The following IST1 variants were observed in gnomAD, a reference collection of about 807,000 sequenced individuals.
IST1 encodes the protein IST1 homolog.
In IST1, 23 loss-of-function variants were observed where a neutral mutation model predicts 37.0. That is an observed-to-expected ratio of 0.62 (90% CI 0.45 to 0.88). The LOEUF is 0.88. Ranked by LOEUF, IST1 falls within the 40% of genes least tolerant of loss-of-function variation. The pLI, the probability that IST1 is intolerant of heterozygous loss-of-function variation, is 0.00. For synonymous variants in IST1, 180 were observed against 161.7 expected, an observed-to-expected ratio of 1.11 and a Z score of -0.86; for missense variants, 488 against 445.4, an observed-to-expected ratio of 1.10 and a Z score of -0.86.
intron 1 of IST1, among the ~76,000 whole-genome samples, chr16:71,911,919 T>C (rs1385801114): frequency 6.6e-6 from 1 of 151,996 alleles, no homozygotes; most frequent in African/African-American, 2.4e-5. Flanking sequence ...AGTTTCACCA[T>C]GTTGCCCGGG....
rs556625319 is a variant in IST1 at position 71,904,926 on chromosome 16, T to C, written c.-16+9337T>C. Among the ~76,000 whole-genome samples the C allele has an allele frequency of 2.0e-5, 3 of 152,314 alleles. No individual in the cohort carries two copies. In the South Asian group the frequency reaches 6.2e-4, roughly 32 times the overall value. The stretch of plus-strand genomic sequence containing the variant: ...TTGAGTTTAGGTCTACATTTTATTA[T>C]TTGTTTTCTGTTCTCTCATTTTTGT... On this transcript the variant is annotated intron_variant, in intron 1 of 9. Coordinates refer to ENST00000378799, the MANE Select transcript of IST1 (RefSeq NM_001270975.2).
rs1382977609 is a variant in IST1, at chr16:71,917,107, C to G, written c.330C>G (p.Leu110=). Residue 110 remains leucine (L), a synonymous_variant, in exon 4 of 10, where the codon CTC becomes CTG. Transcript: ENST00000378799. ...CATTGATCTGGGCTGCTCCTCGACT[C>G]CAGTCAGAAGTGGCTGAGTTGAAAA... ...VSTLIWAAPR[L]QSEVAELKIV... 4 of 1,611,366 alleles carry G rather than the reference C, an allele frequency of 2.5e-6. No homozygotes were observed. The African/African-American group carries it at 4.0e-5, about 16-fold the overall frequency.
intron 8 of IST1, chr16:71,923,628 TAGAAAG>T: frequency 2.9e-6 from 1 of 345,098 alleles, no homozygotes; most frequent in Middle Eastern, 7.9e-4. Context: ...GCAGATTTCT[TAGAAAG>T]TTGTAGTGCT....
intron 8 of IST1, among the ~76,000 whole-genome samples, chr16:71,923,813 AC>A (rs1288287322): frequency 5.3e-5 from 8 of 152,232 alleles, no homozygotes; most frequent in Non-Finnish European, 1.0e-4. Context: ...ATGTCCAGTT[AC>A]ATGTCGGCCG....
chr16:71,928,145 C>A lies in IST1; in HGVS notation c.*332C>A. ...GGATGGGGGAAGCACTGTGGGAAGA[C>A]CACCAAAGATGGCTGGACAGTGGGA... On this transcript the variant is annotated 3_prime_UTR_variant, in exon 10 of 10. Coordinates refer to ENST00000378799, the MANE Select transcript of IST1 (RefSeq NM_001270975.2). 1 of 337,848 alleles carries A rather than the reference C, an allele frequency of 3.0e-6. No homozygotes were observed. The highest frequency in any genetic ancestry group is 2.8e-5 in the South Asian group (1 of 36,230). The allele number at this position is 337,848 out of a possible 1,614,324, so 20.9% of individuals were successfully genotyped here. A position where few individuals can be genotyped will look rare whatever the true frequency, so the allele number is the denominator to read the frequency against.
In IST1 at chr16:71,904,217, A is replaced by G. The variant is rs1334959971; in HGVS notation, c.-16+8628A>G. Among the ~76,000 whole-genome samples, 3 of 152,202 alleles carry G rather than the reference A, an allele frequency of 2.0e-5. No individual in the cohort carries two copies. In the East Asian group the frequency reaches 5.8e-4, roughly 29 times the overall value. On this transcript the variant is annotated intron_variant, in intron 1 of 9. Coordinates refer to ENST00000378799, the MANE Select transcript of IST1 (RefSeq NM_001270975.2). ...CCGCTCGCTGCAATCTCTGCCTGCC[A>G]GGTTCAAGCAATTTTCCTGCCTCAG...
In IST1 at chr16:71,922,565, G is replaced by C; in HGVS notation, c.644G>C (p.Gly215Ala). The C allele has an allele frequency of 6.2e-7, 1 of 1,614,148 alleles. No homozygotes were observed. The highest frequency in any genetic ancestry group is 8.5e-7 in the Non-Finnish European group (1 of 1,180,006). The change falls in exon 7 of 10, where the codon GGT (glycine) becomes GCT (alanine). Residue 215 changes from glycine (G) to alanine (A), a missense_variant. By Grantham distance (60) the Gly-to-Ala change is moderately conservative. This residue lies in a region of IST1 where 455 missense variants were observed against 386.2 expected (regional missense o/e 1.18). Transcript: ENST00000378799. ...KKGGPGRGGS[G>A]GFTAPVGGPD... is the part of the protein sequence containing the mutation. ...GGAGGCCCTGGAAGAGGAGGGAGTG[G>C]TGGCTTCACAGCACCAGTTGGTGGA...
At chr16:71,907,368 C>G (rs2037248425) in intron 1 of IST1, among the ~76,000 whole-genome samples, 1 of 151,396 alleles carries the variant, frequency 6.6e-6, no homozygotes, top group Non-Finnish European at 1.5e-5. Context: ...AGCTTCGCCT[C>G]CTGGGTTCAT....
intron 1 of IST1, among the ~76,000 whole-genome samples, chr16:71,905,412 C>G (rs1477911897): frequency 1.0e-4 from 15 of 146,676 alleles, no homozygotes; most frequent in Admixed American, 8.1e-4. Context: ...CAGTTTCACT[C>G]TCGTTGCCCA....
Position 71,921,345 on chromosome 16 carries a change from A to C in IST1, c.444A>C (p.Leu148=), listed in dbSNP as rs150994774. 2 of 1,600,662 alleles carry C rather than the reference A, an allele frequency of 1.2e-6. No homozygotes were observed. The highest frequency in any genetic ancestry group is 1.7e-6 in the Non-Finnish European group (2 of 1,168,934). ...TNQIGTVNDR[L]MHKLSVEAPP... is the part of the protein sequence containing the mutation. ...GCCCTGGGTCTTTTTACTTACAGCT[A>C]ATGCACAAGCTGAGTGTGGAAGCCC... The change falls in exon 6 of 10, where the codon CTA becomes CTC. Residue 148 remains leucine, a splice_region_variant and synonymous_variant. Transcript: ENST00000378799.
At chr16:71,894,856 A>C (rs996974727), upstream of IST1, 3 of 1,531,868 alleles carry the variant, frequency 2.0e-6, no homozygotes, top group Non-Finnish European at 2.6e-6. Context: ...GTTAAAAACA[A>C]AGGTAACCAA....
chr16:71,898,748 G>A (rs2037035919), intron 1 of IST1, among the ~76,000 whole-genome samples: 1 of 151,844 alleles, frequency 6.6e-6, no homozygotes, highest in South Asian at 2.1e-4. Context: ...GGAGGCCAAG[G>A]CGGGCAGATC....
chr16:71,905,503 C>G (rs1284774627), intron 1 of IST1, among the ~76,000 whole-genome samples: 1 of 151,942 alleles, frequency 6.6e-6, no homozygotes, highest in African/African-American at 2.4e-5. Flanking sequence ...CTCAGCCTCC[C>G]TAGTAGCTGG....
intron 4 of IST1, among the ~76,000 whole-genome samples, chr16:71,920,453 A>G (rs1018399684): frequency 2.0e-5 from 3 of 152,236 alleles, no homozygotes; most frequent in Non-Finnish European, 4.4e-5. Context: ...ACTTTGTACA[A>G]TTTGATTAAT....
chr16:71,917,837 T>C (rs2037499028), intron 4 of IST1, among the ~76,000 whole-genome samples: 1 of 152,240 alleles, frequency 6.6e-6, no homozygotes, highest in Admixed American at 6.5e-5. Flanking sequence ...CAATTTTTTC[T>C]AAGTCTCTGA....
At chr16:71,909,095 C>CTT (rs34086105) in intron 1 of IST1, among the ~76,000 whole-genome samples, 6,212 of 102,896 alleles carry the variant, frequency 0.06, 900 homozygotes, top group African/African-American at 0.22. Flanking sequence ...TTTTGTTTGT[C>CTT]TTTTTTTTTT....
At chr16:71,915,550 A>G (rs2037449048) in intron 1 of IST1, 76 bp from the exon 2 acceptor site, 2 of 875,790 alleles carry the variant, frequency 2.3e-6, no homozygotes, top group Admixed American at 2.5e-5. Flanking sequence ...TGTTTCACAT[A>G]ATTCACCCCT....
chr16:71,924,820 G>A lies in IST1; in HGVS notation c.901+3G>A, dbSNP rs201633262. 14 of 1,598,078 alleles carry A rather than the reference G, an allele frequency of 8.8e-6. No homozygotes were observed. Among genetic ancestry groups the A allele is most frequent in the Admixed American group, 5.0e-5 (3 of 59,986 alleles). On this transcript the variant is annotated splice_donor_region_variant and intron_variant, in intron 9 of 9. Transcript: ENST00000378799. ...TATCTCTTCTGCACAGATTGTTGGTGAGTAGTATCAATCAGAAACCTGCAG... is the reference window on the plus strand; with the variant it reads ...TATCTCTTCTGCACAGATTGTTGGTAAGTAGTATCAATCAGAAACCTGCAG...
At chr16:71,915,752 C>G (rs559413295) in intron 2 of IST1, 24 bp downstream of exon 2, 1 of 1,474,386 alleles carries the variant, frequency 6.8e-7, no homozygotes, top group South Asian at 1.1e-5. Context: ...TTTTTTTCCC[C>G]AAAAATAAAT....
Sources: allele counts gnomAD v4.1 joint callset (sites outside exome capture counted in the v4.1 genomes callset), GRCh38; gene constraint gnomAD v4.1.1; regional missense constraint gnomAD v4.1.1; transcripts MANE v1.5; gene names NCBI Gene and HGNC (gene_info 2026-07-23, HGNC 2026-07-21).